Variants in PRKCB observed in about 807,000 individuals in gnomAD.
The protein encoded by PRKCB is protein kinase C beta type.
PRKCB carries 13 observed loss-of-function variants against 81.5 expected under a neutral mutation model. That is an observed-to-expected ratio of 0.16 (90% CI 0.10 to 0.25). The LOEUF (loss-of-function observed/expected upper bound fraction) is 0.25, where lower values mean the gene tolerates loss of function less well. Ranked by LOEUF, PRKCB falls within the 10% of genes least tolerant of loss-of-function variation. The probability of loss-of-function intolerance (pLI) is 1.00; values close to 1 mark genes in which losing one functional copy is unlikely to be tolerated. For missense variants in PRKCB, 509 were observed against 875.7 expected (o/e 0.58, Z 5.29); for synonymous variants, 335 against 321.4 (o/e 1.04, Z -0.45).
At chr16:23,973,274 C>T (rs887049350) in intron 2 of PRKCB, among the ~76,000 whole-genome samples, 14 of 151,838 alleles carry the variant, frequency 9.2e-5, no homozygotes, top group South Asian at 2.1e-4. Context: ...CTTCACCTCC[C>T]GGGTTCAAGC....
intron 16 of PRKCB, among the ~76,000 whole-genome samples, chr16:24,198,636 G>A (rs2045342869): frequency 6.6e-6 from 1 of 152,184 alleles, no homozygotes; most frequent in East Asian, 1.9e-4. Context: ...ACTGTGCCTG[G>A]CACCTGTGGA....
At position 23,988,539 on chromosome 16, in the gene PRKCB, T is replaced by C. The variant is rs1159621018; in HGVS notation, c.237T>C (p.His79=). 4.3e-6 allele frequency: 7 copies of C among 1,614,022 alleles called. No individual in the cohort carries two copies. Among genetic ancestry groups the C allele is most frequent in the Middle Eastern group, 1.6e-4 (1 of 6,084 alleles). The change falls in exon 3 of 17, where the codon CAT becomes CAC. Residue 79 remains histidine (H), a synonymous_variant. Coordinates refer to ENST00000643927, the MANE Select transcript of PRKCB (RefSeq NM_002738.7). The part of the protein sequence containing the change: ...VCCFVVHKRC[H]EFVTFSCPGA... Reference sequence around the variant, plus strand: ...GCTTTGTGGTGCACAAGCGGTGCCATGAATTTGTCACATTCTCCTGCCCTG... The same window carrying C: ...GCTTTGTGGTGCACAAGCGGTGCCACGAATTTGTCACATTCTCCTGCCCTG...
At chr16:24,208,842 G>A (rs1005445657) in intron 16 of PRKCB, among the ~76,000 whole-genome samples, 5 of 152,186 alleles carry the variant, frequency 3.3e-5, no homozygotes, top group African/African-American at 4.8e-5. Context: ...GAAAAACACA[G>A]AAACACTTAA....
intron 2 of PRKCB, 119 bp downstream of exon 2, chr16:23,837,525 C>A: frequency 7.8e-7 from 1 of 1,283,860 alleles, no homozygotes; most frequent in Non-Finnish European, 1.1e-6. Flanking sequence ...AGTGACCTCC[C>A]AGGCTAGGAA....
chr16:24,095,327 A>G (rs1966426664), intron 7 of PRKCB, among the ~76,000 whole-genome samples: 1 of 152,168 alleles, frequency 6.6e-6, no homozygotes, highest in Non-Finnish European at 1.5e-5. Context: ...GGCAAGGAGT[A>G]GGGTGGCTAG....
chr16:24,007,772 C>T (rs780774710), intron 3 of PRKCB, among the ~76,000 whole-genome samples: 6 of 152,086 alleles, frequency 3.9e-5, no homozygotes, highest in Non-Finnish European at 8.8e-5. Context: ...CCCAGAAGAC[C>T]GTAATTTCTG....
chr16:24,146,952 C>T (rs1006736819), intron 9 of PRKCB, among the ~76,000 whole-genome samples: 37 of 152,176 alleles, frequency 2.4e-4, no homozygotes, highest in African/African-American at 7.5e-4. Context: ...CATTTTTGAA[C>T]GTGGGCATCA....
chr16:24,194,506 G>A (rs1262539888), intron 16 of PRKCB, among the ~76,000 whole-genome samples: 1 of 152,162 alleles, frequency 6.6e-6, no homozygotes, highest in Non-Finnish European at 1.5e-5. Flanking sequence ...ATGGTTCAAA[G>A]TCAGGTTGCT....
intron 3 of PRKCB, among the ~76,000 whole-genome samples, chr16:24,020,065 A>G (rs1965338452): frequency 6.6e-6 from 1 of 152,252 alleles, no homozygotes; most frequent in Non-Finnish European, 1.5e-5. Context: ...TTGGATAGGT[A>G]GTGCCAAATT....
intron 13 of PRKCB, among the ~76,000 whole-genome samples, chr16:24,182,873 T>G (rs191000050): frequency 4.0e-4 from 54 of 133,604 alleles, no homozygotes; most frequent in African/African-American, 1.5e-3. Flanking sequence ...ACATTGTTTC[T>G]TGTGTGTGTG....
intron 2 of PRKCB, among the ~76,000 whole-genome samples, chr16:23,865,171 A>G (rs773416505): frequency 3.9e-5 from 6 of 152,064 alleles, no homozygotes; most frequent in Non-Finnish European, 7.4e-5. Context: ...CACAAGTTAG[A>G]AAACCTAGAG....
rs146749311 is a variant in PRKCB, at chr16:24,073,575, T to C, written c.530-19216T>C. Among the ~76,000 whole-genome samples, 530 of 152,284 alleles carry C rather than the reference T, an allele frequency of 3.5e-3. 1 individual carries two copies. The highest frequency in any genetic ancestry group is 0.012 in the African/African-American group (514 of 41,566). ...ATCTCAAATTCCTGGCCTCAAGTGA[T>C]CCTCCCTCCTTGACCTCTCAAATTG... On this transcript the variant is annotated intron_variant, in intron 5 of 16. Coordinates refer to ENST00000643927, the MANE Select transcript of PRKCB (RefSeq NM_002738.7).
chr16:23,958,684 T>G (rs1017757175), intron 2 of PRKCB, among the ~76,000 whole-genome samples: 1 of 70,714 alleles, frequency 1.4e-5, no homozygotes, highest in Non-Finnish European at 4.5e-5. Context: ...CTACTGTTAT[T>G]TCTTCTTCTT....
chr16:23,865,551 GTGTGTGTGTGTGTGTGTGTATA>G (rs1430175910), intron 2 of PRKCB, among the ~76,000 whole-genome samples: 13 of 69,854 alleles, frequency 1.9e-4, no homozygotes, highest in African/African-American at 6.3e-4. Flanking sequence ...GTGTGTGTGT[GTGTGTGTGTGTGTGTGTGTATA>G]TGTATATTTA....
intron 10 of PRKCB, among the ~76,000 whole-genome samples, chr16:24,158,420 T>A (rs768255380): frequency 6.6e-6 from 1 of 152,162 alleles, no homozygotes; most frequent in Middle Eastern, 3.2e-3. Context: ...ACCAGGGGAC[T>A]GAGGCCACAC....
At chr16:24,115,071 G>A (rs2642663) in intron 8 of PRKCB, among the ~76,000 whole-genome samples, 98,869 of 151,532 alleles carry the variant, frequency 0.65, 33,701 homozygotes, top group African/African-American at 0.86. Context: ...TTATATAGCA[G>A]CAATGTGAGA....
At position 24,122,468 on chromosome 16, in the gene PRKCB, T is replaced by TTTTTTTTTC. The variant is rs1555498212; in HGVS notation, c.919-1367_919-1366insTTTTTTTTC. Reference sequence around the variant, plus strand: ...ACGAGGCTTTTTTTTTTTTTTTTTTTAGTGAGAGAGAGATGGGATCTCACT... The same window carrying TTTTTTTTTC: ...ACGAGGCTTTTTTTTTTTTTTTTTTTTTTTTTTTCAGTGAGAGAGAGATGGGATCTCACT... On this transcript the variant is annotated intron_variant, in intron 8 of 16. Transcript: ENST00000643927. Among the ~76,000 whole-genome samples the TTTTTTTTTC allele has an allele frequency of 3.4e-3, 474 of 138,950 alleles. 58 individuals are homozygous for TTTTTTTTTC. Among genetic ancestry groups the TTTTTTTTTC allele is most frequent in the African/African-American group, 0.015 (447 of 30,310 alleles). 91.2% of individuals were successfully genotyped at this position (138,950 alleles called of 152,430 possible). A position where few individuals can be genotyped will look rare whatever the true frequency, so the allele number is the denominator to read the frequency against.
chr16:24,039,081 T>G (rs1965664337), intron 5 of PRKCB, among the ~76,000 whole-genome samples: 1 of 152,180 alleles, frequency 6.6e-6, no homozygotes, highest in Non-Finnish European at 1.5e-5. Context: ...GAGATCATTC[T>G]GTCTCCACCA....
chr16:24,038,974 G>A (rs75496570), intron 5 of PRKCB, among the ~76,000 whole-genome samples: 2,301 of 152,254 alleles, frequency 0.015, 69 homozygotes, highest in African/African-American at 0.053. Flanking sequence ...GGTATTTGGA[G>A]CTATGGGACC....
Sources: allele counts gnomAD v4.1 joint callset (sites outside exome capture counted in the v4.1 genomes callset), GRCh38; gene constraint gnomAD v4.1.1; transcripts MANE v1.5; gene names NCBI Gene and HGNC (gene_info 2026-07-23, HGNC 2026-07-21).